Variants in LPA observed in about 807,000 individuals in gnomAD.
LPA encodes apolipoprotein(a).
A neutral mutation model predicts 197.9 loss-of-function variants in LPA; 199 were observed. The observed-to-expected ratio is 1.01, with a 90% CI of 0.90 to 1.13. The LOEUF (loss-of-function observed/expected upper bound fraction) is 1.13, where lower values mean the gene tolerates loss of function less well. Among genes scored for constraint, LPA ranks in the 50% most tolerant of loss-of-function variants. The probability of loss-of-function intolerance (pLI) is 0.00; values close to 1 mark genes in which losing one functional copy is unlikely to be tolerated. For synonymous variants in LPA, 715 were observed against 639.5 expected (o/e 1.12, Z -1.78); for missense variants, 1,853 against 1,785.8 (o/e 1.04, Z -0.68).
Position 160,531,482 on chromosome 6 carries a change from T to C in LPA, c.*247A>G, listed in dbSNP as rs1777805268. ...TTTTGAAGACCAAAACCAAAATTAA[T>C]TCAAATCAAAATAAGTGCAGAGTTT... On this transcript the variant is annotated 3_prime_UTR_variant, in exon 39 of 39. Coordinates refer to ENST00000316300, the MANE Select transcript of LPA (RefSeq NM_005577.4). 1 of 519,478 alleles carries C rather than the reference T, an allele frequency of 1.9e-6. No individual in the cohort carries two copies. The highest frequency in any genetic ancestry group is 2.2e-5 in the South Asian group (1 of 46,224). The allele number at this position is 519,478 out of a possible 1,614,324, so 32.2% of individuals were successfully genotyped here.
intron 28 of LPA, among the ~76,000 whole-genome samples, chr6:160,571,398 A>C (rs1778559167): frequency 6.6e-6 from 1 of 152,136 alleles, no homozygotes; most frequent in Non-Finnish European, 1.5e-5. Flanking sequence ...TCAGAGCTCT[A>C]GTGCTGTGTT....
At chr6:160,611,241 G>A (rs566133861) in intron 16 of LPA, among the ~76,000 whole-genome samples, 1 of 152,244 alleles carries the variant, frequency 6.6e-6, no homozygotes, top group Non-Finnish European at 1.5e-5. Flanking sequence ...ATTCCAACTG[G>A]AAAGTCTTCA....
At chr6:160,560,240 C>T (rs555573835) in intron 28 of LPA, among the ~76,000 whole-genome samples, 15 of 152,290 alleles carry the variant, frequency 9.8e-5, no homozygotes, top group African/African-American at 3.6e-4. Context: ...AATAGTGCTA[C>T]AATAAACATA....
chr6:160,576,670 TTG>T (rs369546569), intron 28 of LPA, among the ~76,000 whole-genome samples: 3,202 of 103,920 alleles, frequency 0.031, 62 homozygotes, highest in African/African-American at 0.041. Context: ...ATTCAGATGT[TTG>T]TGTGTGTGTG....
intron 33 of LPA, among the ~76,000 whole-genome samples, chr6:160,544,223 G>A (rs1297207598): frequency 2.8e-4 from 43 of 152,076 alleles, no homozygotes; most frequent in Admixed American, 2.8e-3. Flanking sequence ...GCCTGTCAAG[G>A]ATAGAGAGCC....
chr6:160,576,398 A>ATACATATATATATATATATATATATGTG, intron 28 of LPA, among the ~76,000 whole-genome samples: 1 of 54,994 alleles, frequency 1.8e-5, no homozygotes, highest in South Asian at 5.2e-4. Context: ...ATGTATATAT[A>ATACATATATATATATATATATATATGTG]TATATATATA....
intron 30 of LPA, among the ~76,000 whole-genome samples, chr6:160,552,999 A>G (rs1191756401): frequency 2.0e-5 from 3 of 152,096 alleles, no homozygotes; most frequent in South Asian, 2.1e-4. Context: ...TGGTTGTCCT[A>G]GGATTTATAA....
At chr6:160,652,084 C>T (rs1359503002) in intron 1 of LPA, among the ~76,000 whole-genome samples, 2 of 143,466 alleles carry the variant, frequency 1.4e-5, no homozygotes, top group Non-Finnish European at 3.0e-5. Context: ...CATTTGAATA[C>T]TTACAGTCCA....
rs936803654 is a variant in LPA at position 160,537,849 on chromosome 6, T to C, written c.5842+6A>G. ...TTTGTTACGTGGGCAATGGAATTGA[T>C]CTCACCTTGGGTTTCTCCCCAGCCA... On this transcript the variant is annotated splice_donor_region_variant and intron_variant, in intron 37 of 38. Transcript: ENST00000316300. The C allele has an allele frequency of 6.2e-7, 1 of 1,613,032 alleles. No individual in the cohort carries two copies. Among genetic ancestry groups the C allele is most frequent in the Non-Finnish European group, 8.5e-7 (1 of 1,179,116 alleles).
Position 160,606,459 on chromosome 6 carries a change from T to G in LPA, c.2785+18A>C, listed in dbSNP as rs773306459. Reference sequence around the variant, plus strand: ...CCCAGCATCGAAACGTGTAGGTTTCTGGCCACAGGCTCCTTACCTTGTTCA... The same window carrying G: ...CCCAGCATCGAAACGTGTAGGTTTCGGGCCACAGGCTCCTTACCTTGTTCA... On this transcript the variant is annotated intron_variant, in intron 17 of 38. Transcript: ENST00000316300. 2 of 1,613,064 alleles carry G rather than the reference T, an allele frequency of 1.2e-6. No individual in the cohort carries two copies. Among genetic ancestry groups the G allele is most frequent in the Non-Finnish European group, 1.7e-6 (2 of 1,179,708 alleles).
In LPA at chr6:160,611,576, T is replaced by C. The variant is rs900007118; in HGVS notation, c.2589A>G (p.Glu863=). The change falls in exon 16 of 39, where the codon GAA becomes GAG. Residue 863 remains glutamate (E), a synonymous_variant. Transcript: ENST00000316300. ...MTPHSHSRTP[E]YYPNAGLIMN... ...CAAAGACATACGCATTTGGGTAGTA[T>C]TCTGGGGTCCGACTATGCGAGTGTG... The C allele has an allele frequency of 3.7e-6, 6 of 1,605,958 alleles. No homozygotes were observed. In the South Asian group the frequency reaches 4.4e-5, roughly 12 times the overall value.
At chr6:160,594,237 A>G in intron 21 of LPA, 120 bp from the exon 22 acceptor site, 1 of 1,221,936 alleles carries the variant, frequency 8.2e-7, no homozygotes, top group Non-Finnish European at 1.2e-6. Flanking sequence ...TCTGTTCTGT[A>G]CTAGCAGGCA....
At position 160,650,456 on chromosome 6, in the gene LPA, C is replaced by G. The variant is rs183171143; in HGVS notation, c.91G>C (p.Gly31Arg). 1 of 1,613,850 alleles carries G rather than the reference C, an allele frequency of 6.2e-7. No homozygotes were observed. The change falls in exon 2 of 39, where the codon GGT becomes CGT. Residue 31 changes from glycine to arginine, a missense_variant. Gly to Arg is a moderately radical substitution (Grantham distance 125). This residue lies in a region of LPA where 88 missense variants were observed against 83.0 expected (regional missense o/e 1.06). Coordinates refer to ENST00000316300, the MANE Select transcript of LPA (RefSeq NM_005577.4). ...QSHVVQDCYH[G>R]DGQSYRGTYS... is the part of the protein sequence containing the mutation. Reference sequence around the variant, plus strand: ...GTGCCTCGATAACTCTGTCCATCACCATGGTAGCAATCCTGGACCACATGG... The same window carrying G: ...GTGCCTCGATAACTCTGTCCATCACGATGGTAGCAATCCTGGACCACATGG...
chr6:160,562,021 T>C (rs1177723978), intron 28 of LPA, among the ~76,000 whole-genome samples: 1 of 152,106 alleles, frequency 6.6e-6, no homozygotes, highest in Non-Finnish European at 1.5e-5. Flanking sequence ...CAAAGAGAAA[T>C]AATTTGACTC....
At chr6:160,593,402 T>G (rs1401667686) in intron 22 of LPA, among the ~76,000 whole-genome samples, 2 of 152,170 alleles carry the variant, frequency 1.3e-5, no homozygotes, top group Non-Finnish European at 2.9e-5. Flanking sequence ...GTGTAACTCT[T>G]CAGAATCTTT....
Position 160,605,187 on chromosome 6 carries a change from G to A in LPA, c.2804C>T (p.Pro935Leu), listed in dbSNP as rs766252127. ...PSEQAPTEQR[P>L]GVQECYHGNG... ...TCCGTGGTAGCACTCCTGCACCCCA[G>A]GCCTTTGCTCAGTTGGTGCTGAAAT... The change falls in exon 18 of 39, where the codon CCT becomes CTT. Residue 935 changes from proline to leucine, a missense_variant. Transcript: ENST00000316300. 5 of 1,613,878 alleles carry A rather than the reference G, an allele frequency of 3.1e-6. No homozygotes were observed. In the East Asian group the frequency reaches 1.1e-4, roughly 36 times the overall value.
At chr6:160,576,376 ATATATATATATATG>A (rs1778668288) in intron 28 of LPA, among the ~76,000 whole-genome samples, 2 of 39,196 alleles carry the variant, frequency 5.1e-5, no homozygotes, top group Admixed American at 3.3e-4. Flanking sequence ...ACATATATAT[ATATATATATATATG>A]TATATATATA....
chr6:160,660,842 A>G (rs1780212412), intron 1 of LPA, among the ~76,000 whole-genome samples: 1 of 152,190 alleles, frequency 6.6e-6, no homozygotes, highest in African/African-American at 2.4e-5. Flanking sequence ...ACAGTGACAC[A>G]CCACTATTAG....
In LPA at chr6:160,609,429, C is replaced by A. The variant is rs141033257; in HGVS notation, c.2603+2133G>T. Among the ~76,000 whole-genome samples, 111 of 152,256 alleles carry A rather than the reference C, an allele frequency of 7.3e-4. 1 individual carries two copies. The East Asian group carries it at 0.02, about 28-fold the overall frequency. On this transcript the variant is annotated intron_variant, in intron 16 of 38. Coordinates refer to ENST00000316300, the MANE Select transcript of LPA (RefSeq NM_005577.4). ...ATCACTGTACTCTAGGAAGACACAG[C>A]TCTTTTTTCTCCAGTTTCTCGTGAG... is the stretch of plus-strand genomic sequence containing the variant.
Sources: gnomAD v4.1 joint callset for allele counts (sites outside exome capture counted in the v4.1 genomes callset) on GRCh38, gnomAD v4.1.1 for gene constraint, gnomAD v4.1.1 regional missense constraint, MANE v1.5 for transcripts, NCBI Gene and HGNC (gene_info 2026-07-23, HGNC 2026-07-21) for gene names.